Variants in SPACA7 observed in about 807,000 individuals in gnomAD.
SPACA7 encodes sperm acrosome associated 7, also known as sperm acrosome-associated protein 7.
In SPACA7, 19 loss-of-function variants were observed where a neutral mutation model predicts 26.3. The ratio of observed to expected loss-of-function variants is 0.72; its 90% confidence interval spans 0.50 to 1.06. The LOEUF is 1.06. Among genes scored for constraint, SPACA7 ranks in the 50% least tolerant of loss-of-function variants. SPACA7 has a pLI of 0.00. For missense variants in SPACA7, 211 were observed against 229.9 expected (o/e 0.92, Z 0.53); for synonymous variants, 84 against 84.5 (o/e 0.99, Z 0.04).
chr13:112,429,218 A>G (rs892152141), intron 5 of SPACA7, among the ~76,000 whole-genome samples: 1 of 152,130 alleles, frequency 6.6e-6, no homozygotes, highest in African/African-American at 2.4e-5. Context: ...CTCTACAAAA[A>G]ATAAAATATT....
rs192554119 is a variant in SPACA7 at position 112,387,637 on chromosome 13, G to C, written c.95-5384G>C. On this transcript the variant is annotated intron_variant, in intron 1 of 6. Coordinates refer to ENST00000283550, the MANE Select transcript of SPACA7 (RefSeq NM_145248.5). ...CTTATCCTTTTTATCGGCATACCAGGCTTGCGGGCTCCCTTTCTATGCAGA... is the reference window on the plus strand; with the variant it reads ...CTTATCCTTTTTATCGGCATACCAGCCTTGCGGGCTCCCTTTCTATGCAGA... Among the ~76,000 whole-genome samples the C allele has an allele frequency of 1.1e-4, 16 of 152,250 alleles. No individual in the cohort carries two copies. In the East Asian group the frequency reaches 2.7e-3, roughly 26 times the overall value.
Position 112,434,570 on chromosome 13 carries a change from T to C in SPACA7, c.*21T>C, listed in dbSNP as rs201097391. Reference sequence around the variant, plus strand: ...AGTGAGGCCGCAGCCCCAGACCCCCTGCGCAGGAGAGGAGCCTGCTAGAAC... The same window carrying C: ...AGTGAGGCCGCAGCCCCAGACCCCCCGCGCAGGAGAGGAGCCTGCTAGAAC... On this transcript the variant is annotated 3_prime_UTR_variant, in exon 7 of 7. Coordinates refer to ENST00000283550, the MANE Select transcript of SPACA7 (RefSeq NM_145248.5). 154 of 1,588,686 alleles carry C rather than the reference T, an allele frequency of 9.7e-5. No homozygotes were observed. The East Asian group carries it at 3.4e-3, about 35-fold the overall frequency.
At chr13:112,389,688 T>C (rs1884749941) in intron 1 of SPACA7, among the ~76,000 whole-genome samples, 1 of 152,178 alleles carries the variant, frequency 6.6e-6, no homozygotes, top group East Asian at 1.9e-4. Context: ...TACATACACA[T>C]ACAGACAGAC....
intron 5 of SPACA7, among the ~76,000 whole-genome samples, chr13:112,426,296 T>C (rs531126495): frequency 1.8e-4 from 28 of 152,376 alleles, no homozygotes; most frequent in Admixed American, 2.0e-4. Context: ...TTCTTCCTCA[T>C]TGCCCACTTC....
chr13:112,377,596 G>A (rs1488591262), intron 1 of SPACA7, among the ~76,000 whole-genome samples: 1 of 152,172 alleles, frequency 6.6e-6, no homozygotes, highest in Admixed American at 6.5e-5. Context: ...GCCAAGACTA[G>A]GGGATTTCCA....
intron 5 of SPACA7, among the ~76,000 whole-genome samples, chr13:112,414,590 T>G (rs1404836610): frequency 6.6e-6 from 1 of 151,954 alleles, no homozygotes; most frequent in African/African-American, 2.4e-5. Context: ...TTTGTATTTT[T>G]AGTGGAAATG....
At chr13:112,399,248 C>A in intron 4 of SPACA7, 75 bp downstream of exon 4, 1 of 808,860 alleles carries the variant, frequency 1.2e-6, no homozygotes, top group South Asian at 1.4e-5. Flanking sequence ...CAGACGCAGG[C>A]GGAAACATCT....
intron 5 of SPACA7, among the ~76,000 whole-genome samples, chr13:112,423,423 G>A (rs1262397023): frequency 6.6e-6 from 1 of 152,034 alleles, no homozygotes; most frequent in Non-Finnish European, 1.5e-5. Context: ...AGGCAAAGTT[G>A]TCCAATACCA....
Position 112,434,608 on chromosome 13 carries a change from G to A in SPACA7, c.*59G>A. The A allele has an allele frequency of 7.0e-7, 1 of 1,419,388 alleles. No homozygotes were observed. The highest frequency in any genetic ancestry group is 1.4e-5 in the African/African-American group (1 of 70,686). The allele number at this position is 1,419,388 out of a possible 1,614,324, so 87.9% of individuals were successfully genotyped here. ...AGCCTGCTAGAACCCCCACCCACCA[G>A]CCTCCGGAACAGGGCACTTGTGTGC... On this transcript the variant is annotated 3_prime_UTR_variant, in exon 7 of 7. Transcript: ENST00000283550.
intron 1 of SPACA7, chr13:112,382,516 A>G: frequency 6.5e-7 from 1 of 1,549,790 alleles, no homozygotes; most frequent in East Asian, 2.4e-5. Context: ...AGGTGAGAAC[A>G]GTGGAACCGT....
At chr13:112,431,492 C>T (rs760356211) in intron 5 of SPACA7, among the ~76,000 whole-genome samples, 4 of 152,102 alleles carry the variant, frequency 2.6e-5, no homozygotes, top group Non-Finnish European at 5.9e-5. Flanking sequence ...CATAATTATT[C>T]ATTTCCTATA....
intron 5 of SPACA7, among the ~76,000 whole-genome samples, chr13:112,428,858 CAAGTATGCT>C (rs1256059626): frequency 1.3e-5 from 2 of 152,104 alleles, no homozygotes; most frequent in Non-Finnish European, 2.9e-5. Context: ...TCAATTAGAT[CAAGTATGCT>C]AAGTAGACTT....
chr13:112,422,561 A>C (rs1876090911), intron 5 of SPACA7, among the ~76,000 whole-genome samples: 1 of 152,208 alleles, frequency 6.6e-6, no homozygotes, highest in South Asian at 2.1e-4. Flanking sequence ...AACTTCAACA[A>C]GTCTAAAATA....
chr13:112,402,637 TC>T (rs929119390), intron 5 of SPACA7, among the ~76,000 whole-genome samples: 26 of 152,210 alleles, frequency 1.7e-4, no homozygotes, highest in African/African-American at 6.3e-4. Context: ...ATAATGTTTA[TC>T]CAGTAAGTAG....
intron 5 of SPACA7, among the ~76,000 whole-genome samples, chr13:112,405,389 G>A (rs1885921736): frequency 6.6e-6 from 1 of 151,758 alleles, no homozygotes. Context: ...CATGTATAGT[G>A]TTTTCATTAT....
intron 2 of SPACA7, among the ~76,000 whole-genome samples, chr13:112,396,066 A>G (rs12430795): frequency 0.34 from 44,500 of 130,442 alleles, 11,617 homozygotes; most frequent in South Asian, 0.5. Context: ...CCGAGCAGGA[A>G]CGCGCCTCCT....
At position 112,421,117 on chromosome 13, in the gene SPACA7, C is replaced by A. The variant is rs929674553; in HGVS notation, c.446-11327C>A. On this transcript the variant is annotated intron_variant, in intron 5 of 6. Transcript: ENST00000283550. ...GGATTGTACAAAGAAATAAAAAGTACCAGAAATAGTAAAAATGAAGTAAAT... is the reference window on the plus strand; with the variant it reads ...GGATTGTACAAAGAAATAAAAAGTAACAGAAATAGTAAAAATGAAGTAAAT... Among the ~76,000 whole-genome samples the A allele has an allele frequency of 3.3e-5, 5 of 150,628 alleles. No homozygotes were observed. The East Asian group carries it at 9.8e-4, about 30-fold the overall frequency.
chr13:112,416,802 A>T (rs1466440228), intron 5 of SPACA7, among the ~76,000 whole-genome samples: 9 of 108,270 alleles, frequency 8.3e-5, no homozygotes, highest in African/African-American at 3.0e-4. Flanking sequence ...TATGATTATG[A>T]GTTGTGTGTG....
intron 5 of SPACA7, among the ~76,000 whole-genome samples, chr13:112,404,802 C>G (rs1885869215): frequency 6.6e-6 from 1 of 151,998 alleles, no homozygotes; most frequent in Non-Finnish European, 1.5e-5. Context: ...TAGTACCATT[C>G]TGTTTGGGTG....
Sources: allele counts gnomAD v4.1 joint callset (sites outside exome capture counted in the v4.1 genomes callset), GRCh38; gene constraint gnomAD v4.1.1; transcripts MANE v1.5; gene names NCBI Gene and HGNC (gene_info 2026-07-23, HGNC 2026-07-21).